PDIA5: variants seen among roughly 807,000 people sequenced by gnomAD.
The protein encoded by PDIA5 is protein disulfide-isomerase A5.
Under a neutral mutation model 77.6 loss-of-function variants are expected in PDIA5, and 58 were observed. The observed-to-expected ratio is 0.75, with a 90% CI of 0.61 to 0.93. The LOEUF (loss-of-function observed/expected upper bound fraction) is 0.93. PDIA5 is among the 40% of genes least tolerant of loss of function. PDIA5 has a pLI of 0.00. For synonymous variants in PDIA5, 250 were observed against 252.1 expected (o/e 0.99, Z 0.08); for missense variants, 630 against 647.7 (o/e 0.97, Z 0.30).
intron 15 of PDIA5, among the ~76,000 whole-genome samples, chr3:123,160,538 C>T (rs1248174003): frequency 1.3e-5 from 2 of 152,208 alleles, no homozygotes; most frequent in African/African-American, 4.8e-5. Context: ...CGCCTTTGCC[C>T]CACTCACCTG....
rs1576463430 is a variant in PDIA5 at position 123,146,350 on chromosome 3, A to G, written c.1142+91A>G. The stretch of plus-strand genomic sequence containing the variant: ...GGAGGTGAAGTAAACTTTATGGTCA[A>G]TGTCCTGGGCTCATGCCCGTAGGAG... On this transcript the variant is annotated intron_variant, in intron 13 of 16. Transcript: ENST00000316218. The G allele has an allele frequency of 2.3e-5, 25 of 1,104,266 alleles. No homozygotes were observed. The East Asian group carries it at 4.7e-4, about 21-fold the overall frequency. The allele number at this position is 1,104,266 out of a possible 1,614,324, so 68.4% of individuals were successfully genotyped here.
intron 1 of PDIA5, among the ~76,000 whole-genome samples, chr3:123,079,054 T>A: frequency 6.6e-6 from 1 of 152,122 alleles, no homozygotes; most frequent in Non-Finnish European, 1.5e-5. Flanking sequence ...ATGCTTATTA[T>A]GGCAAGTTGA....
chr3:123,113,900 G>GAATGAT (rs1934929820), intron 7 of PDIA5, among the ~76,000 whole-genome samples: 1 of 152,236 alleles, frequency 6.6e-6, no homozygotes, highest in African/African-American at 2.4e-5. Context: ...TGAGGTTTGA[G>GAATGAT]AATGATAATT....
chr3:123,156,932 G>C (rs545937849), intron 15 of PDIA5, among the ~76,000 whole-genome samples: 1 of 152,182 alleles, frequency 6.6e-6, no homozygotes, highest in African/African-American at 2.4e-5. Context: ...GGCCTCCAGC[G>C]GGCAGCTGAG....
chr3:123,100,186 C>A (rs1478922833), intron 3 of PDIA5, among the ~76,000 whole-genome samples: 1 of 152,230 alleles, frequency 6.6e-6, no homozygotes, highest in Non-Finnish European at 1.5e-5. Flanking sequence ...CTGAGTTGAG[C>A]CCTGTGTCCC....
intron 1 of PDIA5, among the ~76,000 whole-genome samples, chr3:123,072,130 G>A (rs1933739658): frequency 6.6e-6 from 1 of 152,164 alleles, no homozygotes; most frequent in East Asian, 1.9e-4. Context: ...GTGGGAGGGG[G>A]AGAGACTAAT....
Position 123,110,995 on chromosome 3 carries a change from T to A in PDIA5, c.532T>A (p.Tyr178Asn). Residue 178 changes from tyrosine (Y) to asparagine (N), a missense_variant, in exon 7 of 17, where the codon TAT (tyrosine) becomes AAT (asparagine). By Grantham distance (143) the Tyr-to-Asn change is moderately radical. Transcript: ENST00000316218. ...KEEKPLLIMF[Y>N]APWCSMCKRM... ...AGAGAAGCCGCTCCTGATCATGTTT[T>A]ATGCCCCCTGTGAGTGAACTTTCTC... 6.2e-7 allele frequency: 1 copy of A among 1,613,670 alleles called. No homozygotes were observed. The highest frequency in any genetic ancestry group is 8.5e-7 in the Non-Finnish European group (1 of 1,179,638).
chr3:123,154,036 G>C (rs908491482), intron 14 of PDIA5, among the ~76,000 whole-genome samples: 2 of 152,150 alleles, frequency 1.3e-5, no homozygotes, highest in Non-Finnish European at 2.9e-5. Flanking sequence ...GAGAGAGGAG[G>C]GGGGTTTGGG....
intron 1 of PDIA5, among the ~76,000 whole-genome samples, chr3:123,069,542 TC>T (rs778371077): frequency 1.3e-4 from 20 of 152,220 alleles, no homozygotes; most frequent in Admixed American, 3.9e-4. Context: ...AGACCAAAAG[TC>T]CGAAATCAGG....
At chr3:123,120,522 G>A (rs576129949) in intron 8 of PDIA5, among the ~76,000 whole-genome samples, 10 of 152,338 alleles carry the variant, frequency 6.6e-5, no homozygotes, top group African/African-American at 2.2e-4. Flanking sequence ...CCAAGGTTCC[G>A]CTTTCCTGTT....
chr3:123,068,852 T>C (rs1465631343), intron 1 of PDIA5, among the ~76,000 whole-genome samples: 3 of 152,138 alleles, frequency 2.0e-5, no homozygotes, highest in East Asian at 1.9e-4. Context: ...CCTTAAGTAC[T>C]AGTATCCTTC....
chr3:123,152,162 A>AGCCTGCCTGCCTTCCC (rs1935930293), intron 14 of PDIA5, among the ~76,000 whole-genome samples: 1 of 106,034 alleles, frequency 9.4e-6, no homozygotes. Flanking sequence ...TCTGCCTTCC[A>AGCCTGCCTGCCTTCCC]GCCTGCCTGC....
At chr3:123,146,667 C>T (rs1458208647) in intron 13 of PDIA5, among the ~76,000 whole-genome samples, 6 of 152,194 alleles carry the variant, frequency 3.9e-5, no homozygotes, top group Non-Finnish European at 5.9e-5. Context: ...ACAGGGCAGG[C>T]TATGGTGGTT....
At chr3:123,126,583 C>A (rs1935250515) in intron 10 of PDIA5, among the ~76,000 whole-genome samples, 1 of 152,218 alleles carries the variant, frequency 6.6e-6, no homozygotes, top group African/African-American at 2.4e-5. Context: ...TCTAGCTCTG[C>A]ATGTGGGTTT....
At chr3:123,151,686 G>A (rs1156270072) in intron 14 of PDIA5, among the ~76,000 whole-genome samples, 1 of 152,110 alleles carries the variant, frequency 6.6e-6, no homozygotes, top group Non-Finnish European at 1.5e-5. Flanking sequence ...GGGAATCTGG[G>A]AGAGACTCTT....
At chr3:123,136,737 A>T (rs1935513583) in intron 11 of PDIA5, among the ~76,000 whole-genome samples, 1 of 151,676 alleles carries the variant, frequency 6.6e-6, no homozygotes, top group African/African-American at 2.4e-5. Flanking sequence ...AAAAAAAAAA[A>T]AAAAAAAAAA....
intron 3 of PDIA5, among the ~76,000 whole-genome samples, chr3:123,094,919 C>T (rs1248139101): frequency 6.6e-6 from 1 of 152,174 alleles, no homozygotes; most frequent in African/African-American, 2.4e-5. Flanking sequence ...CAGGAGTGCA[C>T]AGGCCACCCT....
chr3:123,122,547 T>G (rs7614246), intron 8 of PDIA5, among the ~76,000 whole-genome samples: 2,372 of 152,258 alleles, frequency 0.016, 59 homozygotes, highest in African/African-American at 0.052. Context: ...CAGGTGCCCC[T>G]AGGAATGGAG....
intron 11 of PDIA5, 73 bp downstream of exon 11, chr3:123,130,689 A>G (rs1935353166): frequency 3.9e-6 from 6 of 1,531,040 alleles, no homozygotes; most frequent in South Asian, 3.5e-5. Flanking sequence ...GCGCTTTGCA[A>G]TGTGAACCCA....
Sources: allele counts gnomAD v4.1 joint callset (sites outside exome capture counted in the v4.1 genomes callset), GRCh38; gene constraint gnomAD v4.1.1; transcripts MANE v1.5; gene names NCBI Gene and HGNC (gene_info 2026-07-23, HGNC 2026-07-21).